The following PDE7B variants were observed in gnomAD, a reference collection of about 807,000 sequenced individuals.
PDE7B encodes 3',5'-cyclic-AMP phosphodiesterase 7B.
In PDE7B, 29 loss-of-function variants were observed where a neutral mutation model predicts 56.2. The observed-to-expected ratio is 0.52, with a 90% CI of 0.38 to 0.70. PDE7B has a LOEUF of 0.70. Among genes scored for constraint, PDE7B ranks in the 30% least tolerant of loss-of-function variants. The pLI is 0.00. For synonymous variants in PDE7B, 197 were observed against 196.9 expected, an observed-to-expected ratio of 1.00 and a Z score of 0.00; for missense variants, 490 against 565.0, an observed-to-expected ratio of 0.87 and a Z score of 1.35.
intron 8 of PDE7B, among the ~76,000 whole-genome samples, chr6:136,156,441 C>T (rs1778606396): frequency 6.6e-6 from 1 of 152,148 alleles, no homozygotes; most frequent in Non-Finnish European, 1.5e-5. Flanking sequence ...CCCACCTCAG[C>T]CTACCAAAAC....
intron 2 of PDE7B, among the ~76,000 whole-genome samples, chr6:136,087,564 T>C (rs542664283): frequency 6.6e-6 from 1 of 152,324 alleles, no homozygotes; most frequent in South Asian, 2.1e-4. Flanking sequence ...ACTTTCACTT[T>C]GGCTTTCTAT....
At chr6:136,105,494 T>C (rs1363528502) in intron 2 of PDE7B, among the ~76,000 whole-genome samples, 6 of 152,192 alleles carry the variant, frequency 3.9e-5, no homozygotes. Flanking sequence ...CAAATAATAA[T>C]AATAACAGCT....
intron 8 of PDE7B, among the ~76,000 whole-genome samples, chr6:136,167,386 G>T (rs1037789153): frequency 6.6e-6 from 1 of 152,056 alleles, no homozygotes; most frequent in African/African-American, 2.4e-5. Context: ...GAATCATGGG[G>T]GCAGGTCTTT....
intron 2 of PDE7B, chr6:136,038,188 C>T (rs878962284): frequency 3.2e-6 from 4 of 1,235,928 alleles, no homozygotes; most frequent in Non-Finnish European, 4.2e-6. Context: ...CCTGTGGTAG[C>T]AGCAGCAGCA....
At chr6:136,059,599 C>T (rs558387144) in intron 2 of PDE7B, among the ~76,000 whole-genome samples, 21 of 152,018 alleles carry the variant, frequency 1.4e-4, no homozygotes, top group South Asian at 4.1e-4. Flanking sequence ...TGCAGTTGAG[C>T]GGGAAAAGCC....
intron 3 of PDE7B, among the ~76,000 whole-genome samples, chr6:136,121,991 A>G (rs1777942235): frequency 6.6e-6 from 1 of 152,068 alleles, no homozygotes; most frequent in Non-Finnish European, 1.5e-5. Context: ...CTTGAATGCC[A>G]ATTTATAATC....
rs193247664 is a variant in PDE7B at position 136,185,732 on chromosome 6, T to A, written c.1046-1304T>A. ...GTGAGCTATGATGACACCACTGCAC[T>A]CTAGCCTGGGTGACAGAGTAAGAGC... is the stretch of plus-strand genomic sequence containing the variant. On this transcript the variant is annotated intron_variant, in intron 11 of 12. Coordinates refer to ENST00000308191, the MANE Select transcript of PDE7B (RefSeq NM_018945.4). 4.7e-3 allele frequency among the ~76,000 whole-genome samples: 708 copies of A among 152,236 alleles called. 3 individuals are homozygous for A. Among genetic ancestry groups the A allele is most frequent in the African/African-American group, 0.015 (631 of 41,558 alleles).
chr6:135,876,932 A>G (rs1562421190), intron 1 of PDE7B, among the ~76,000 whole-genome samples: 1 of 151,144 alleles, frequency 6.6e-6, no homozygotes, highest in Non-Finnish European at 1.5e-5. Flanking sequence ...TTATTTCACT[A>G]TACTTCATTG....
intron 2 of PDE7B, among the ~76,000 whole-genome samples, chr6:135,976,186 T>A (rs746092150): frequency 5.3e-5 from 8 of 152,152 alleles, no homozygotes; most frequent in Non-Finnish European, 1.2e-4. Flanking sequence ...ATGTAATCCC[T>A]TAGAAAAATT....
At chr6:135,884,202 TG>T (rs1775661958) in intron 1 of PDE7B, among the ~76,000 whole-genome samples, 1 of 152,186 alleles carries the variant, frequency 6.6e-6, no homozygotes, top group Non-Finnish European at 1.5e-5. Context: ...CTTCATATTT[TG>T]CTTAAATAAT....
intron 1 of PDE7B, among the ~76,000 whole-genome samples, chr6:135,879,232 G>A (rs184932387): frequency 5.7e-4 from 87 of 152,182 alleles, no homozygotes; most frequent in Middle Eastern, 6.8e-3. Context: ...GCTTCAAAGA[G>A]TATCATATTA....
intron 9 of PDE7B, among the ~76,000 whole-genome samples, chr6:136,178,331 A>C (rs757933656): frequency 6.6e-6 from 1 of 152,154 alleles, no homozygotes; most frequent in Non-Finnish European, 1.5e-5. Context: ...TTTAAAGGTA[A>C]ATTTTACAAA....
chr6:136,176,443 A>G (rs1778978133), intron 9 of PDE7B, among the ~76,000 whole-genome samples: 1 of 152,086 alleles, frequency 6.6e-6, no homozygotes, highest in Non-Finnish European at 1.5e-5. Flanking sequence ...TAAAAAGATG[A>G]CATTTTTCAA....
rs1206215151 is a variant in PDE7B at position 136,110,769 on chromosome 6, C to T, written c.166+1955C>T. 2.9e-5 allele frequency among the ~76,000 whole-genome samples: 4 copies of T among 139,898 alleles called. No individual in the cohort carries two copies. In the East Asian group the frequency reaches 8.6e-4, roughly 30 times the overall value. 91.8% of individuals were successfully genotyped at this position (139,898 alleles called of 152,430 possible). On this transcript the variant is annotated intron_variant, in intron 3 of 12. Coordinates refer to ENST00000308191, the MANE Select transcript of PDE7B (RefSeq NM_018945.4). ...TCTTTTACTTTTGTAATCTGAAAAA[C>T]AACTGCAAAAATAAATAACATTTAA...
intron 2 of PDE7B, among the ~76,000 whole-genome samples, chr6:136,056,594 T>C (rs1420139324): frequency 7.3e-6 from 1 of 136,190 alleles, no homozygotes; most frequent in Non-Finnish European, 1.5e-5. Flanking sequence ...TGCAATGGCG[T>C]GATCTTGGCT....
At chr6:136,102,940 A>G (rs1777586861) in intron 2 of PDE7B, among the ~76,000 whole-genome samples, 1 of 152,200 alleles carries the variant, frequency 6.6e-6, no homozygotes, top group African/African-American at 2.4e-5. Flanking sequence ...ACTTAGTGAA[A>G]TTTCCCTTTT....
chr6:136,053,934 C>T (rs1483563585), intron 2 of PDE7B, among the ~76,000 whole-genome samples: 1 of 152,092 alleles, frequency 6.6e-6, no homozygotes, highest in Non-Finnish European at 1.5e-5. Context: ...TGTTGGAGTT[C>T]ATTGTAGATT....
rs139299907 is a variant in PDE7B, at chr6:136,106,236, A to C, written c.83-2495A>C. On this transcript the variant is annotated intron_variant, in intron 2 of 12. Transcript: ENST00000308191. ...TACTGTATATGTCTCCCTTCTTACC[A>C]TTATAAAACATAAATTTATTTAAAG... 1.6e-3 allele frequency among the ~76,000 whole-genome samples: 237 copies of C among 152,338 alleles called. 1 individual carries two copies. The highest frequency in any genetic ancestry group is 5.5e-3 in the African/African-American group (227 of 41,572).
At chr6:135,904,291 C>T (rs1776058223) in intron 1 of PDE7B, among the ~76,000 whole-genome samples, 1 of 152,174 alleles carries the variant, frequency 6.6e-6, no homozygotes, top group Admixed American at 6.5e-5. Context: ...CCCAAGACCC[C>T]AGAGCATCAT....
Sources: allele counts gnomAD v4.1 joint callset (sites outside exome capture counted in the v4.1 genomes callset), GRCh38; gene constraint gnomAD v4.1.1; transcripts MANE v1.5; gene names NCBI Gene and HGNC (gene_info 2026-07-23, HGNC 2026-07-21).